Variants in UNC80 observed in about 807,000 individuals in gnomAD.
UNC80 encodes protein unc-80 homolog.
UNC80 carries 164 observed loss-of-function variants against 384.6 expected under a neutral mutation model. The ratio of observed to expected loss-of-function variants is 0.43; its 90% CI spans 0.38 to 0.49. UNC80 has a LOEUF of 0.49. Ranked by LOEUF, UNC80 falls within the 20% of genes least tolerant of loss-of-function variation. The pLI, the probability that UNC80 is intolerant of heterozygous loss-of-function variation, is 0.00. For missense variants in UNC80, 3,330 were observed against 4,143.0 expected (o/e 0.80, Z 5.39); for synonymous variants, 1,486 against 1,527.8 (o/e 0.97, Z 0.64).
chr2:209,894,012 A>C (rs2086587703), intron 26 of UNC80, among the ~76,000 whole-genome samples, 151 bp from the exon 27 acceptor site: 1 of 152,158 alleles, frequency 6.6e-6, no homozygotes, highest in African/African-American at 2.4e-5. Flanking sequence ...TGGTTCCTGC[A>C]GGACTGGGGG....
At chr2:209,800,452 CTTT>C (rs2078468498) in intron 7 of UNC80, among the ~76,000 whole-genome samples, 1 of 149,056 alleles carries the variant, frequency 6.7e-6, no homozygotes, top group East Asian at 2.0e-4. Flanking sequence ...TCTCTCTCTT[CTTT>C]ATTAGTCTAG....
chr2:209,951,216 A>G (rs6741654), intron 47 of UNC80, among the ~76,000 whole-genome samples: 15,257 of 151,916 alleles, frequency 0.1, 1,902 homozygotes, highest in African/African-American at 0.29. Flanking sequence ...AAAATATTCC[A>G]TTTTCTACTG....
chr2:209,829,878 A>G (rs544318617), intron 15 of UNC80, among the ~76,000 whole-genome samples: 3 of 152,172 alleles, frequency 2.0e-5, no homozygotes, highest in Non-Finnish European at 4.4e-5. Context: ...CACATACTTA[A>G]TTTTTTTTAA....
intron 22 of UNC80, among the ~76,000 whole-genome samples, chr2:209,866,488 C>A (rs13382799): frequency 0.088 from 9,336 of 106,344 alleles, 445 homozygotes; most frequent in South Asian, 0.2. Context: ...CAAAATGCAC[C>A]CCCACACACA....
intron 22 of UNC80, among the ~76,000 whole-genome samples, chr2:209,865,340 T>C (rs1347712550): frequency 6.6e-6 from 1 of 152,142 alleles, no homozygotes; most frequent in Non-Finnish European, 1.5e-5. Context: ...CGATGGCTCA[T>C]GCCTGTAATC....
chr2:209,906,310 T>A (rs759509049), intron 29 of UNC80, among the ~76,000 whole-genome samples: 4 of 152,202 alleles, frequency 2.6e-5, no homozygotes, highest in Non-Finnish European at 4.4e-5. Flanking sequence ...TTTTTAATAA[T>A]ACAAAATATT....
chr2:209,967,409 A>AAT (rs967931786), intron 51 of UNC80, 28 bp from the exon 52 acceptor site: 1 of 1,394,096 alleles, frequency 7.2e-7, no homozygotes, highest in South Asian at 1.8e-5. Flanking sequence ...TATACTTTAA[A>AAT]ATATATATAC....
At chr2:209,815,789 G>T (rs1352167899) in intron 9 of UNC80, among the ~76,000 whole-genome samples, 2 of 152,070 alleles carry the variant, frequency 1.3e-5, no homozygotes, top group Admixed American at 6.5e-5. Context: ...TCCTCATTTT[G>T]CAGGTAAGAA....
chr2:209,990,002 G>A (rs1382786729), intron 61 of UNC80, among the ~76,000 whole-genome samples: 1 of 152,008 alleles, frequency 6.6e-6, no homozygotes, highest in Non-Finnish European at 1.5e-5. Flanking sequence ...ATCTTTGATG[G>A]GTGCATTCCA....
chr2:209,787,790 C>T (rs913361858), intron 5 of UNC80, among the ~76,000 whole-genome samples: 2 of 152,104 alleles, frequency 1.3e-5, no homozygotes, highest in Non-Finnish European at 2.9e-5. Flanking sequence ...ATTTACTATA[C>T]CATACTTTTC....
intron 22 of UNC80, among the ~76,000 whole-genome samples, chr2:209,867,815 C>T (rs771955738): frequency 6.6e-6 from 1 of 152,088 alleles, no homozygotes; most frequent in Non-Finnish European, 1.5e-5. Flanking sequence ...CAGTTGTCTT[C>T]GATCTCACTT....
chr2:209,818,508 G>C (rs1355045637), intron 11 of UNC80, among the ~76,000 whole-genome samples: 3 of 151,910 alleles, frequency 2.0e-5, no homozygotes, highest in Admixed American at 2.0e-4. Context: ...GTCCCTCTTT[G>C]ATCTGCACTG....
intron 28 of UNC80, among the ~76,000 whole-genome samples, chr2:209,901,790 G>A (rs1173627204): frequency 2.0e-5 from 3 of 152,010 alleles, no homozygotes; most frequent in Middle Eastern, 3.2e-3. Context: ...TTAGCCGGGC[G>A]TGGTGACGGG....
At chr2:209,979,049 G>GA (rs1462909430) in intron 59 of UNC80, among the ~76,000 whole-genome samples, 1 of 152,184 alleles carries the variant, frequency 6.6e-6, no homozygotes, top group Non-Finnish European at 1.5e-5. Context: ...AGGAGTTCAA[G>GA]ACCAGCCTGG....
At chr2:209,951,150 A>G (rs1016134385) in intron 47 of UNC80, among the ~76,000 whole-genome samples, 2 of 151,640 alleles carry the variant, frequency 1.3e-5, no homozygotes, top group African/African-American at 4.9e-5. Flanking sequence ...AACCTGGTCA[A>G]CAGAGCAAGA....
chr2:209,956,731 T>A (rs2092433150), intron 48 of UNC80, among the ~76,000 whole-genome samples: 1 of 152,150 alleles, frequency 6.6e-6, no homozygotes, highest in African/African-American at 2.4e-5. Context: ...ACTCTCTGCT[T>A]TTGAAGGGCT....
rs1339155134 is a variant in UNC80 at position 209,976,170 on chromosome 2, A to G, written c.8639A>G (p.Tyr2880Cys). 5 of 1,551,528 alleles carry G rather than the reference A, an allele frequency of 3.2e-6. No individual in the cohort carries two copies. The highest frequency in any genetic ancestry group is 4.4e-6 in the Non-Finnish European group (5 of 1,146,988). The stretch of plus-strand genomic sequence containing the variant: ...GAGAGGCAGCTCGGAAGCCAGTGGT[A>G]CTGGCTGAGCCTCCAGGTGAAGGAG... ...CFERQLGSQW[Y>C]WLSLQVKEMA... Residue 2880 changes from tyrosine (Y) to cysteine (C), a missense_variant, in exon 57 of 65, where the codon TAC becomes TGC. By Grantham distance (194) the Tyr-to-Cys change is radical. Coordinates refer to ENST00000673920, the MANE Select transcript of UNC80 (RefSeq NM_001371986.1). This position sits in a 1 kb window ranked among gnomAD's most constrained non-coding sequence, Gnocchi z 4.3.
intron 24 of UNC80, among the ~76,000 whole-genome samples, chr2:209,880,177 G>T (rs1000387916): frequency 7.9e-5 from 12 of 152,002 alleles, no homozygotes; most frequent in African/African-American, 2.9e-4. Context: ...ACATATCTGA[G>T]AACTAATTCT....
chr2:209,912,455 C>T (rs186957557), intron 29 of UNC80, 105 bp from the exon 30 acceptor site: 119 of 593,152 alleles, frequency 2.0e-4, no homozygotes, highest in Admixed American at 2.4e-4. Flanking sequence ...CTTTAATTAT[C>T]GCTTCCACTA....
Sources: gnomAD v4.1 joint callset for allele counts (sites outside exome capture counted in the v4.1 genomes callset) on GRCh38, gnomAD v4.1.1 for gene constraint, Gnocchi (gnomAD v3.1) non-coding constraint, MANE v1.5 for transcripts, NCBI Gene and HGNC (gene_info 2026-07-23, HGNC 2026-07-21) for gene names.